C7orf78: variants seen among roughly 807,000 people sequenced by gnomAD.
C7orf78 encodes chromosome 7 open reading frame 78.
At chr7:12,541,467 A>T in the C7orf78 span, 1 of 152,204 alleles carries the variant, frequency 6.6e-6, no homozygotes, top group South Asian at 2.1e-4. Flanking sequence ...CAAGGTAGCA[A>T]CCAGAATTGA....
chr7:12,520,209 G>A, the C7orf78 span, among the ~76,000 whole-genome samples: 1 of 152,196 alleles, frequency 6.6e-6, no homozygotes, highest in African/African-American at 2.4e-5. Context: ...TTCTCTTTTG[G>A]ACTCCGGTGT....
chr7:12,493,497 T>C, the C7orf78 span, among the ~76,000 whole-genome samples: 88 of 152,312 alleles, frequency 5.8e-4, no homozygotes, highest in African/African-American at 1.9e-3. Context: ...CCAAAATTTC[T>C]GACTCAGCAG....
the C7orf78 span, among the ~76,000 whole-genome samples, chr7:12,525,370 C>G: frequency 6.6e-6 from 1 of 152,028 alleles, no homozygotes; most frequent in African/African-American, 2.4e-5. Flanking sequence ...AATTATTTAG[C>G]TTTGTTCAAT....
chr7:12,509,571 C>G, the C7orf78 span, among the ~76,000 whole-genome samples: 1 of 152,086 alleles, frequency 6.6e-6, no homozygotes, highest in African/African-American at 2.4e-5. Context: ...TTCTTCCATC[C>G]TACAGTATGT....
At chr7:12,500,592 C>T in the C7orf78 span, among the ~76,000 whole-genome samples, 6 of 151,406 alleles carry the variant, frequency 4.0e-5, no homozygotes, top group East Asian at 1.2e-3. Flanking sequence ...TAATCAATAG[C>T]TTACCAACCA....
chr7:12,526,481 A>G, the C7orf78 span, among the ~76,000 whole-genome samples: 76,049 of 151,958 alleles, frequency 0.5, 19,262 homozygotes, highest in Middle Eastern at 0.58. Flanking sequence ...CTATATTTAC[A>G]TATTATAATT....
At chr7:12,529,694 G>A in the C7orf78 span, among the ~76,000 whole-genome samples, 1 of 152,312 alleles carries the variant, frequency 6.6e-6, no homozygotes, top group East Asian at 1.9e-4. Context: ...AAGTTTGGAG[G>A]CTTCCAGGTC....
chr7:12,493,885 G>A, the C7orf78 span, among the ~76,000 whole-genome samples: 6 of 152,174 alleles, frequency 3.9e-5, no homozygotes, highest in Non-Finnish European at 7.3e-5. Flanking sequence ...GCCACTATCA[G>A]GAAGGCACGA....
chr7:12,499,557 C>T, the C7orf78 span, among the ~76,000 whole-genome samples: 36 of 149,158 alleles, frequency 2.4e-4, no homozygotes, highest in African/African-American at 8.1e-4. Flanking sequence ...GCACCCAATA[C>T]AGGAGCACCC....
the C7orf78 span, among the ~76,000 whole-genome samples, chr7:12,503,093 G>A: frequency 7.4e-6 from 1 of 135,090 alleles, no homozygotes; most frequent in Non-Finnish European, 1.6e-5. Flanking sequence ...TGGGGTGGGG[G>A]TAGGGGGGAG....
the C7orf78 span, among the ~76,000 whole-genome samples, chr7:12,522,486 A>G: frequency 6.6e-6 from 1 of 152,140 alleles, no homozygotes; most frequent in African/African-American, 2.4e-5. Flanking sequence ...ATAGGCAATG[A>G]CAAATTTCAC....
chr7:12,513,817 G>A, the C7orf78 span, among the ~76,000 whole-genome samples: 5 of 151,492 alleles, frequency 3.3e-5, no homozygotes, highest in Admixed American at 6.6e-5. Context: ...TGGCTTACAC[G>A]GTGAAACCCC....
the C7orf78 span, among the ~76,000 whole-genome samples, chr7:12,504,901 G>A: frequency 6.6e-6 from 1 of 151,974 alleles, no homozygotes; most frequent in African/African-American, 2.4e-5. Flanking sequence ...GGTATCAAGT[G>A]TATCTGTATC....
the C7orf78 span, among the ~76,000 whole-genome samples, chr7:12,506,591 T>C: frequency 6.6e-6 from 1 of 151,762 alleles, no homozygotes; most frequent in Non-Finnish European, 1.5e-5. Context: ...AGTTCAACAA[T>C]GAGAACACAT....
chr7:12,505,230 A>T, the C7orf78 span, among the ~76,000 whole-genome samples: 59 of 152,118 alleles, frequency 3.9e-4, no homozygotes, highest in Non-Finnish European at 8.1e-4. Context: ...AATTTGGCAA[A>T]CATAATTATT....
chr7:12,521,776 C>T, the C7orf78 span, among the ~76,000 whole-genome samples: 5 of 151,148 alleles, frequency 3.3e-5, no homozygotes, highest in African/African-American at 9.7e-5. Context: ...TTATTTGTTC[C>T]CTTTTCCCTC....
At chr7:12,496,378 A>G in the C7orf78 span, 1 of 152,266 alleles carries the variant, frequency 6.6e-6, no homozygotes, top group Non-Finnish European at 1.5e-5. Context: ...GAAAATTCCA[A>G]GAATGCATTC....
At chr7:12,507,506 G>T in the C7orf78 span, 1 of 200,294 alleles carries the variant, frequency 5.0e-6, no homozygotes, top group East Asian at 1.2e-4. Context: ...CTGGAATGTA[G>T]AGAGCACTTG....
the C7orf78 span, among the ~76,000 whole-genome samples, chr7:12,531,339 C>G: frequency 6.6e-6 from 1 of 152,124 alleles, no homozygotes; most frequent in African/African-American, 2.4e-5. Context: ...ATAATCACCT[C>G]TCACAGCTCT....
Sources: gnomAD v4.1 joint callset for allele counts (sites outside exome capture counted in the v4.1 genomes callset) on GRCh38, gnomAD v4.1.1 for gene constraint, MANE v1.5 for transcripts, NCBI Gene and HGNC (gene_info 2026-07-23, HGNC 2026-07-21) for gene names.